Variants in MBTPS1 observed in about 807,000 individuals in gnomAD.
MBTPS1 encodes the protein membrane-bound transcription factor site-1 protease.
In MBTPS1, 94 loss-of-function variants were observed where a neutral mutation model predicts 127.8. The observed-to-expected ratio is 0.74, with a 90% CI of 0.62 to 0.87. The LOEUF is 0.87. MBTPS1 is among the 40% of genes least tolerant of loss of function. The pLI, the probability that MBTPS1 is intolerant of heterozygous loss-of-function variation, is 0.00. For missense variants in MBTPS1, 1,636 were observed against 1,353.2 expected, an observed-to-expected ratio of 1.21 and a Z score of -3.28; for synonymous variants, 632 against 509.4, an observed-to-expected ratio of 1.24 and a Z score of -3.24.
At chr16:84,055,265 C>A (rs1269627444) in intron 22 of MBTPS1, among the ~76,000 whole-genome samples, 1 of 152,198 alleles carries the variant, frequency 6.6e-6, no homozygotes, top group African/African-American at 2.4e-5. Context: ...GACCCTGGCA[C>A]CACCACGTGG....
chr16:84,089,773 G>C (rs1311967092), intron 8 of MBTPS1, among the ~76,000 whole-genome samples: 1 of 152,208 alleles, frequency 6.6e-6, no homozygotes, highest in African/African-American at 2.4e-5. Flanking sequence ...GGTGGGAAAA[G>C]ACTCAAGATT....
Position 84,101,785 on chromosome 16 carries a change from G to C in MBTPS1, c.-2C>G, listed in dbSNP as rs1404335307. 8 of 1,608,136 alleles carry C rather than the reference G, an allele frequency of 5.0e-6. No individual in the cohort carries two copies. The East Asian group carries it at 1.6e-4, about 31-fold the overall frequency. ...CAGCCAGATGTTGACAAGCTTCATG[G>C]TCACAAGCGAATATGATCATAAAAT... On this transcript the variant is annotated 5_prime_UTR_variant, in exon 2 of 23. Transcript: ENST00000343411.
intron 16 of MBTPS1, 22 bp downstream of exon 16, chr16:84,067,645 T>A: frequency 1.4e-6 from 2 of 1,405,622 alleles, no homozygotes; most frequent in Non-Finnish European, 2.0e-6. Flanking sequence ...CTTATCCAAA[T>A]ACCAATGCGT....
intron 1 of MBTPS1, among the ~76,000 whole-genome samples, chr16:84,115,653 C>A (rs979410879): frequency 6.6e-6 from 1 of 152,132 alleles, no homozygotes; most frequent in Non-Finnish European, 1.5e-5. Flanking sequence ...ATGTTTCCAT[C>A]TGAATATACG....
At chr16:84,066,302 C>T (rs1345027491) in intron 17 of MBTPS1, among the ~76,000 whole-genome samples, 187 bp downstream of exon 17, 2 of 150,888 alleles carry the variant, frequency 1.3e-5, no homozygotes, top group African/African-American at 4.9e-5. Flanking sequence ...AAAATATTTT[C>T]ATTTAAAAAA....
At position 84,087,310 on chromosome 16, in the gene MBTPS1, C is replaced by T. The variant is rs556064276; in HGVS notation, c.1134+48G>A. On this transcript the variant is annotated intron_variant, in intron 9 of 22. Transcript: ENST00000343411. ...CGTCAACAACCGGTGCCACTAGCCA[C>T]AGTAGTTTGTCCAGCTAAATACAAT... The T allele has an allele frequency of 4.1e-6, 6 of 1,446,134 alleles. No individual in the cohort carries two copies. In the South Asian group the frequency reaches 4.6e-5, roughly 11 times the overall value. 89.6% of individuals were successfully genotyped at this position (1,446,134 alleles called of 1,614,324 possible).
At chr16:84,114,249 T>C (rs112388691) in intron 1 of MBTPS1, among the ~76,000 whole-genome samples, 5,955 of 152,006 alleles carry the variant, frequency 0.039, 201 homozygotes, top group African/African-American at 0.085. Context: ...GCGTGAGCCA[T>C]CACGCCCGGT....
At chr16:84,111,395 C>T (rs527643043) in intron 1 of MBTPS1, among the ~76,000 whole-genome samples, 74 of 152,048 alleles carry the variant, frequency 4.9e-4, no homozygotes, top group African/African-American at 1.7e-3. Context: ...CAAAAATTAG[C>T]TAGGTAATGG....
intron 1 of MBTPS1, among the ~76,000 whole-genome samples, chr16:84,110,389 C>T (rs1255213574): frequency 6.6e-6 from 1 of 152,112 alleles, no homozygotes; most frequent in Non-Finnish European, 1.5e-5. Context: ...AAACCTGAGG[C>T]ACCCCCTCTA....
chr16:84,090,792 G>C, intron 8 of MBTPS1, 83 bp downstream of exon 8: 1 of 952,630 alleles, frequency 1.0e-6, no homozygotes, highest in Non-Finnish European at 1.7e-6. Flanking sequence ...AGTAACCATA[G>C]GTAGATACAC....
At chr16:84,116,176 C>G (rs371176316) in intron 1 of MBTPS1, among the ~76,000 whole-genome samples, 16 of 152,084 alleles carry the variant, frequency 1.1e-4, no homozygotes, top group African/African-American at 3.9e-4. Context: ...GGGGCTCAAC[C>G]CAATATGAAA....
At chr16:84,070,798 C>A (rs1487552691) in intron 12 of MBTPS1, 22 bp from the exon 13 acceptor site, 1 of 1,587,008 alleles carries the variant, frequency 6.3e-7, no homozygotes, top group Admixed American at 1.8e-5. Flanking sequence ...AGAAATCAGA[C>A]AAAGGCTAAA....
intron 1 of MBTPS1, among the ~76,000 whole-genome samples, chr16:84,114,278 G>A (rs889861200): frequency 3.3e-5 from 5 of 152,066 alleles, no homozygotes; most frequent in East Asian, 1.9e-4. Flanking sequence ...GTGTATTCGG[G>A]TGTATTCTTA....
chr16:84,063,896 C>T (rs1008885077), intron 18 of MBTPS1, among the ~76,000 whole-genome samples: 2 of 152,140 alleles, frequency 1.3e-5, no homozygotes, highest in Non-Finnish European at 1.5e-5. Flanking sequence ...CCAGGTTTCA[C>T]GTTTTATTAT....
At chr16:84,106,167 C>A (rs910626790) in intron 1 of MBTPS1, among the ~76,000 whole-genome samples, 1 of 152,030 alleles carries the variant, frequency 6.6e-6, no homozygotes, top group Non-Finnish European at 1.5e-5. Flanking sequence ...TGGCGACAGG[C>A]GCCTGTAGCT....
intron 14 of MBTPS1, among the ~76,000 whole-genome samples, 169 bp downstream of exon 14, chr16:84,069,697 A>G (rs17725875): frequency 0.21 from 32,337 of 152,196 alleles, 3,623 homozygotes; most frequent in African/African-American, 0.24. Flanking sequence ...GTTTCAAAAG[A>G]GAAGTCAGGC....
intron 1 of MBTPS1, among the ~76,000 whole-genome samples, chr16:84,107,023 C>T (rs2086333214): frequency 6.6e-6 from 1 of 152,188 alleles, no homozygotes; most frequent in Admixed American, 6.5e-5. Context: ...AGGAGCTGAG[C>T]TCTGAGCATG....
chr16:84,074,800 A>C (rs1239243809), intron 11 of MBTPS1, 59 bp from the exon 12 acceptor site: 35 of 1,474,848 alleles, frequency 2.4e-5, no homozygotes, highest in Non-Finnish European at 3.3e-5. Context: ...ATGAAGCAAC[A>C]CAACTGTACA....
In MBTPS1 at chr16:84,101,894, C is replaced by G. The variant is rs143112433; in HGVS notation, c.-111G>C. The G allele has an allele frequency of 6.5e-4, 621 of 961,760 alleles. 2 individuals carry two copies. In the African/African-American group the frequency reaches 9.2e-3, roughly 14 times the overall value. The allele number at this position is 961,760 out of a possible 1,614,324, so 59.6% of individuals were successfully genotyped here. A position where few individuals can be genotyped will look rare whatever the true frequency, so the allele number is the denominator to read the frequency against. ...TAAAAGCTGCAACATTACTAATCAGCCATCTTACAGTCTTGCCCAACATAA... is the reference window on the plus strand; with the variant it reads ...TAAAAGCTGCAACATTACTAATCAGGCATCTTACAGTCTTGCCCAACATAA... On this transcript the variant is annotated 5_prime_UTR_variant, in exon 2 of 23. Transcript: ENST00000343411.
Sources: gnomAD v4.1 joint callset for allele counts (sites outside exome capture counted in the v4.1 genomes callset) on GRCh38, gnomAD v4.1.1 for gene constraint, MANE v1.5 for transcripts, NCBI Gene and HGNC (gene_info 2026-07-23, HGNC 2026-07-21) for gene names.